Variants in HTR2C observed in about 807,000 individuals in gnomAD.
HTR2C encodes the protein 5-hydroxytryptamine receptor 2C.
A neutral mutation model predicts 21.0 loss-of-function variants in HTR2C; 5 were observed. That is an observed-to-expected ratio of 0.24 (90% CI 0.12 to 0.50). The LOEUF (loss-of-function observed/expected upper bound fraction) is 0.50, where lower values mean the gene tolerates loss of function less well. HTR2C is among the 20% of genes least tolerant of loss of function. The pLI is 0.98. For missense variants in HTR2C, 271 were observed against 371.2 expected, an observed-to-expected ratio of 0.73 and a Z score of 2.22; for synonymous variants, 150 against 145.3, an observed-to-expected ratio of 1.03 and a Z score of -0.23.
Position 114,805,835 on chromosome X carries a change from C to CATGTATATACACCATATATACACCAT in HTR2C, c.350-42166_350-42165insGTATATACACCATATATACACCATAT, listed in dbSNP as rs202105071. 6.4e-5 allele frequency among the ~76,000 whole-genome samples: 2 copies of CATGTATATACACCATATATACACCAT among 31,225 alleles called. 1 individual carries two copies. The highest frequency in any genetic ancestry group is 2.3e-3 in the East Asian group (2 of 870). The allele number at this position is 31,225 out of a possible 115,157, so 27.1% of individuals were successfully genotyped here. On this transcript the variant is annotated intron_variant, in intron 4 of 5. Transcript: ENST00000276198. ...CACCATATATATACCATATATATAC[C>CATGTATATACACCATATATACACCAT]ATATATACCATATATATACCATATA...
At chrX:114,836,712 G>A (rs899796605) in intron 4 of HTR2C, among the ~76,000 whole-genome samples, 4 of 111,892 alleles carry the variant, frequency 3.6e-5, no homozygotes, top group Admixed American at 9.4e-5. Context: ...GTTCCTATTC[G>A]GCCATCTTGG....
chrX:114,781,189 A>C (rs916217899), intron 4 of HTR2C, among the ~76,000 whole-genome samples: 1 of 111,504 alleles, frequency 9.0e-6, no homozygotes, highest in Non-Finnish European at 1.9e-5. Flanking sequence ...AGAGAGGTTA[A>C]GAAATATGTA....
chrX:114,738,614 A>G (rs2069613935), intron 4 of HTR2C, among the ~76,000 whole-genome samples: 1 of 110,263 alleles, frequency 9.1e-6, no homozygotes, highest in African/African-American at 3.3e-5. Context: ...AGGGAGGGGA[A>G]CATCACACAC....
At chrX:114,732,324 G>A (rs782779693) in intron 4 of HTR2C, among the ~76,000 whole-genome samples, 11 of 111,768 alleles carry the variant, frequency 9.8e-5, no homozygotes, top group African/African-American at 3.6e-4. Flanking sequence ...CAATCAAATA[G>A]TTTATACAAC....
chrX:114,841,116 CT>C (rs781888215), intron 4 of HTR2C, among the ~76,000 whole-genome samples: 34 of 111,895 alleles, frequency 3.0e-4, no homozygotes, highest in Non-Finnish European at 5.5e-4. Flanking sequence ...TTTCACCTTA[CT>C]TTTCCTTACT....
At chrX:114,815,575 G>A (rs1170922473) in intron 4 of HTR2C, among the ~76,000 whole-genome samples, 1 of 111,577 alleles carries the variant, frequency 9.0e-6, no homozygotes, top group African/African-American at 3.2e-5. Context: ...AAGCCAGGAT[G>A]AGGACATGGT....
At chrX:114,761,543 C>G (rs1239364896) in intron 4 of HTR2C, among the ~76,000 whole-genome samples, 1 of 110,995 alleles carries the variant, frequency 9.0e-6, no homozygotes, top group Non-Finnish European at 1.9e-5. Flanking sequence ...ACTATAACCC[C>G]AGGCATTCTG....
chrX:114,872,277 C>A (rs2071098480), intron 5 of HTR2C, among the ~76,000 whole-genome samples: 1 of 103,394 alleles, frequency 9.7e-6, no homozygotes, highest in African/African-American at 3.4e-5. Flanking sequence ...TTGATTTCCT[C>A]TATTGGTTTT....
chrX:114,802,039 G>T (rs1357300848), intron 4 of HTR2C, among the ~76,000 whole-genome samples: 2 of 110,736 alleles, frequency 1.8e-5, no homozygotes, highest in African/African-American at 6.6e-5. Context: ...GTAGTGCAAT[G>T]AGATACAGGG....
At chrX:114,690,382 A>C (rs1194369611) in intron 2 of HTR2C, among the ~76,000 whole-genome samples, 1 of 111,765 alleles carries the variant, frequency 8.9e-6, no homozygotes, top group Non-Finnish European at 1.9e-5. Flanking sequence ...TCTTCTCCAG[A>C]ATACTTTTGA....
intron 2 of HTR2C, among the ~76,000 whole-genome samples, chrX:114,618,011 A>G (rs889742678): frequency 1.7e-4 from 19 of 112,380 alleles, no homozygotes; most frequent in African/African-American, 6.1e-4. Context: ...ACTTTATAAG[A>G]TATTTCCACA....
At chrX:114,733,065 A>G (rs782342327) in intron 4 of HTR2C, among the ~76,000 whole-genome samples, 1 of 111,613 alleles carries the variant, frequency 9.0e-6, no homozygotes, top group Non-Finnish European at 1.9e-5. Flanking sequence ...GAAAGATAGC[A>G]TGAAATAAAC....
At chrX:114,628,277 C>T (rs1234720975) in intron 2 of HTR2C, among the ~76,000 whole-genome samples, 7 of 110,716 alleles carry the variant, frequency 6.3e-5, no homozygotes, top group Non-Finnish European at 1.1e-4. Flanking sequence ...CTCACTCTGT[C>T]GCCCAGGCTG....
At chrX:114,889,877 C>G (rs1236704266) in intron 5 of HTR2C, among the ~76,000 whole-genome samples, 2 of 111,456 alleles carry the variant, frequency 1.8e-5, no homozygotes, top group African/African-American at 6.5e-5. Flanking sequence ...CTGGAGAGCA[C>G]GGGATGGGAA....
In HTR2C at chrX:114,795,505, A is replaced by G. The variant is rs782389391; in HGVS notation, c.350-52498A>G. Among the ~76,000 whole-genome samples, 4 of 111,812 alleles carry G rather than the reference A, an allele frequency of 3.6e-5. No homozygotes were observed. The Admixed American group carries it at 3.8e-4, about 11-fold the overall frequency. On this transcript the variant is annotated intron_variant, in intron 4 of 5. Transcript: ENST00000276198. Reference sequence around the variant, plus strand: ...GGGTTTCTATGGTTTTAGGTCTAACATTTAAGTCTTTAATCTATCTTGAAT... The same window carrying G: ...GGGTTTCTATGGTTTTAGGTCTAACGTTTAAGTCTTTAATCTATCTTGAAT...
At chrX:114,715,397 T>A (rs1414178820) in intron 2 of HTR2C, 1 of 337,030 alleles carries the variant, frequency 3.0e-6, no homozygotes, top group African/African-American at 2.6e-5. Flanking sequence ...AAGTTTGTGA[T>A]CTCTTAATCT....
intron 4 of HTR2C, among the ~76,000 whole-genome samples, chrX:114,745,622 TA>T (rs1189103519): frequency 2.7e-5 from 3 of 111,952 alleles, no homozygotes; most frequent in African/African-American, 9.7e-5. Flanking sequence ...TATTTAGCCA[TA>T]AAAAAGGAGA....
intron 4 of HTR2C, among the ~76,000 whole-genome samples, chrX:114,835,596 T>G (rs2070773881): frequency 9.0e-6 from 1 of 111,187 alleles, no homozygotes; most frequent in Non-Finnish European, 1.9e-5. Flanking sequence ...TTATTCTAGT[T>G]ATACATTCTT....
At chrX:114,701,057 A>G (rs1932467408) in intron 2 of HTR2C, among the ~76,000 whole-genome samples, 1 of 112,116 alleles carries the variant, frequency 8.9e-6, no homozygotes, top group Non-Finnish European at 1.9e-5. Context: ...AGCAGCCGGG[A>G]AGCTCGAACT....
Sources: allele counts gnomAD v4.1 joint callset (sites outside exome capture counted in the v4.1 genomes callset), GRCh38; gene constraint gnomAD v4.1.1; transcripts MANE v1.5; gene names NCBI Gene and HGNC (gene_info 2026-07-23, HGNC 2026-07-21).